PPP2R2A: variants seen among roughly 807,000 people sequenced by gnomAD.
PPP2R2A encodes the protein protein phosphatase 2 regulatory subunit Balpha, also known as serine/threonine-protein phosphatase 2A 55 kDa regulatory subunit B alpha isoform.
In PPP2R2A, 9 loss-of-function variants were observed where a neutral mutation model predicts 53.2. The ratio of observed to expected loss-of-function variants is 0.17; its 90% CI spans 0.10 to 0.30. The LOEUF is 0.30. Among genes scored for constraint, PPP2R2A ranks in the 10% least tolerant of loss-of-function variants. The pLI, the probability that PPP2R2A is intolerant of heterozygous loss-of-function variation, is 1.00. For missense variants in PPP2R2A, 235 were observed against 534.6 expected (o/e 0.44, Z 5.53); for synonymous variants, 169 against 174.2 (o/e 0.97, Z 0.23).
intron 2 of PPP2R2A, among the ~76,000 whole-genome samples, chr8:26,335,474 A>G (rs1803607683): frequency 6.6e-6 from 1 of 152,214 alleles, no homozygotes; most frequent in South Asian, 2.1e-4. Flanking sequence ...TACATTAAAT[A>G]TATGCGGTAT....
chr8:26,317,942 A>AAG (rs1802640709), intron 2 of PPP2R2A, among the ~76,000 whole-genome samples: 1 of 152,192 alleles, frequency 6.6e-6, no homozygotes, highest in African/African-American at 2.4e-5. Context: ...TGGGGGAGAA[A>AAG]AGAGAGAGAA....
chr8:26,296,670 G>T (rs1322334913), intron 2 of PPP2R2A, among the ~76,000 whole-genome samples: 1 of 152,186 alleles, frequency 6.6e-6, no homozygotes, highest in African/African-American at 2.4e-5. Flanking sequence ...GCATGAAGCT[G>T]CTCTGTCTAG....
intron 2 of PPP2R2A, among the ~76,000 whole-genome samples, chr8:26,312,489 C>G (rs1436942963): frequency 6.6e-6 from 1 of 152,172 alleles, no homozygotes; most frequent in Non-Finnish European, 1.5e-5. Flanking sequence ...GACCTAGTAG[C>G]TTAATTTTTT....
chr8:26,333,278 C>T (rs1453881372), intron 2 of PPP2R2A, among the ~76,000 whole-genome samples: 1 of 152,200 alleles, frequency 6.6e-6, no homozygotes, highest in African/African-American at 2.4e-5. Flanking sequence ...TTTACAAAAA[C>T]AGGTTGTGGG....
intron 2 of PPP2R2A, among the ~76,000 whole-genome samples, chr8:26,319,815 T>C (rs1266534540): frequency 6.6e-6 from 1 of 152,234 alleles, no homozygotes; most frequent in Non-Finnish European, 1.5e-5. Context: ...TTTTCATTTA[T>C]TTATGTCTTT....
At chr8:26,361,381 G>A (rs533125187) in intron 6 of PPP2R2A, among the ~76,000 whole-genome samples, 6 of 152,290 alleles carry the variant, frequency 3.9e-5, no homozygotes, top group Admixed American at 2.0e-4. Flanking sequence ...GAATTTTAAG[G>A]AATTTGTCTA....
At chr8:26,355,449 GCTC>G (rs2117383932) in intron 4 of PPP2R2A, among the ~76,000 whole-genome samples, 1 of 152,180 alleles carries the variant, frequency 6.6e-6, no homozygotes, top group East Asian at 1.9e-4. Context: ...TCCCTATGTT[GCTC>G]AGGCTGGTCT....
intron 3 of PPP2R2A, among the ~76,000 whole-genome samples, chr8:26,346,772 T>G (rs1804241392): frequency 6.6e-6 from 1 of 152,220 alleles, no homozygotes; most frequent in African/African-American, 2.4e-5. Context: ...CAAAGGGGAA[T>G]TTTCTAGCGA....
intron 2 of PPP2R2A, among the ~76,000 whole-genome samples, chr8:26,314,393 GATC>G (rs1003858656): frequency 1.3e-5 from 2 of 152,172 alleles, no homozygotes; most frequent in Admixed American, 1.3e-4. Flanking sequence ...TTATCATTGT[GATC>G]ATCATCATCG....
chr8:26,293,436 C>A, intron 1 of PPP2R2A: 1 of 722,452 alleles, frequency 1.4e-6, no homozygotes. Flanking sequence ...GTTTAATGAC[C>A]ACAGAACATG....
In PPP2R2A at chr8:26,366,315, G is replaced by T. The variant is rs1805372299; in HGVS notation, c.973G>T (p.Val325Leu). ...CAGTATATTTGTATTTTTCCCCCAG[G>T]TGCATGAATACCTCAGAAGTAAACT... is the stretch of plus-strand genomic sequence containing the variant. ...MENRPVETYQ[V>L]HEYLRSKLCS... The change falls in exon 9 of 10, where the codon GTG becomes TTG. Residue 325 changes from valine to leucine, a missense_variant and splice_region_variant. By Grantham distance (32) the Val-to-Leu change is conservative. Transcript: ENST00000380737. 1 of 1,594,168 alleles carries T rather than the reference G, an allele frequency of 6.3e-7. No individual in the cohort carries two copies. The highest frequency in any genetic ancestry group is 2.3e-5 in the East Asian group (1 of 44,308).
At chr8:26,361,494 G>A (rs549360925) in intron 6 of PPP2R2A, among the ~76,000 whole-genome samples, 5 of 151,792 alleles carry the variant, frequency 3.3e-5, no homozygotes, top group Admixed American at 2.6e-4. Context: ...TAATCCCAGC[G>A]GTTTGGGAGG....
chr8:26,344,013 CT>C (rs1376767497), intron 3 of PPP2R2A, among the ~76,000 whole-genome samples: 6 of 152,098 alleles, frequency 3.9e-5, no homozygotes, highest in Non-Finnish European at 7.4e-5. Flanking sequence ...GTGCAGTCTC[CT>C]TTTGCCAGCT....
At chr8:26,319,035 AC>A (rs1348070257) in intron 2 of PPP2R2A, among the ~76,000 whole-genome samples, 2 of 152,124 alleles carry the variant, frequency 1.3e-5, no homozygotes, top group Non-Finnish European at 2.9e-5. Flanking sequence ...TCTCCCCAGC[AC>A]CTAGCAACCC....
At position 26,338,905 on chromosome 8, in the gene PPP2R2A, C is replaced by T. The variant is rs1200593670; in HGVS notation, c.98C>T (p.Thr33Ile). ...AATTATACAGCAGATATAATTTCTA[C>T]AGTAGAATTTAATCATTCTGGAGAA... ...DDVAEADIIS[T>I]VEFNHSGELL... Residue 33 changes from threonine to isoleucine, a missense_variant, in exon 3 of 10, where the codon ACA (threonine) becomes ATA (isoleucine). Physicochemically the swap from Thr to Ile is moderately conservative, Grantham distance 89. Coordinates refer to ENST00000380737, the MANE Select transcript of PPP2R2A (RefSeq NM_002717.4). This position sits in a 1 kb window ranked among gnomAD's most constrained non-coding sequence, Gnocchi z 4.5. 1 of 1,593,892 alleles carries T rather than the reference C, an allele frequency of 6.3e-7. No homozygotes were observed. The highest frequency in any genetic ancestry group is 1.1e-5 in the South Asian group (1 of 90,390).
At chr8:26,323,100 C>T (rs1028600530) in intron 2 of PPP2R2A, among the ~76,000 whole-genome samples, 1 of 152,210 alleles carries the variant, frequency 6.6e-6, no homozygotes, top group Non-Finnish European at 1.5e-5. Context: ...CAGGCTTAAT[C>T]CTTAGCCCAG....
At chr8:26,334,148 CTTTA>C (rs1373334312) in intron 2 of PPP2R2A, among the ~76,000 whole-genome samples, 2 of 133,856 alleles carry the variant, frequency 1.5e-5, no homozygotes, top group East Asian at 6.9e-4. Context: ...AAAGGTCCTT[CTTTA>C]TTAACTGTAT....
At chr8:26,369,408 C>T (rs1456737342) in intron 9 of PPP2R2A, among the ~76,000 whole-genome samples, 12 of 147,222 alleles carry the variant, frequency 8.2e-5, no homozygotes, top group Non-Finnish European at 1.6e-4. Context: ...TTTTTTTTTC[C>T]GAGACGGAGT....
At chr8:26,293,817 C>T in intron 2 of PPP2R2A, 77 bp downstream of exon 2, 1 of 1,256,934 alleles carries the variant, frequency 8.0e-7, no homozygotes, top group Non-Finnish European at 1.2e-6. Context: ...TTCCTTGAAG[C>T]CGAGACTGCT....
Sources: gnomAD v4.1 joint callset for allele counts (sites outside exome capture counted in the v4.1 genomes callset) on GRCh38, gnomAD v4.1.1 for gene constraint, Gnocchi (gnomAD v3.1) non-coding constraint, MANE v1.5 for transcripts, NCBI Gene and HGNC (gene_info 2026-07-23, HGNC 2026-07-21) for gene names.